Variants in ARAP1 observed in about 807,000 individuals in gnomAD.
ARAP1 encodes the protein arf-GAP with Rho-GAP domain, ANK repeat and PH domain-containing protein 1.
ARAP1 carries 76 observed loss-of-function variants against 172.2 expected under a neutral mutation model. That is an observed-to-expected ratio of 0.44 (90% CI 0.37 to 0.53). The LOEUF is 0.53. ARAP1 is among the 20% of genes least tolerant of loss of function. The probability of loss-of-function intolerance (pLI) is 0.00; values close to 1 mark genes in which losing one functional copy is unlikely to be tolerated. For synonymous variants in ARAP1, 804 were observed against 803.3 expected, an observed-to-expected ratio of 1.00 and a Z score of -0.01; for missense variants, 1,686 against 1,977.5, an observed-to-expected ratio of 0.85 and a Z score of 2.80.
rs117019613 is a variant in ARAP1, at chr11:72,698,406, G to A, written c.2542-300C>T. 4.3e-3 allele frequency among the ~76,000 whole-genome samples: 659 copies of A among 152,272 alleles called. 2 individuals carry two copies. Among genetic ancestry groups the A allele is most frequent in the Middle Eastern group, 6.8e-3 (2 of 294 alleles). On this transcript the variant is annotated intron_variant, in intron 18 of 34. Transcript: ENST00000393609. Reference sequence around the variant, plus strand: ...TGGCACTGGTTACACTGCTGCTGCCGCCTGAACTACACCCGCAGGGGAGCT... The same window carrying A: ...TGGCACTGGTTACACTGCTGCTGCCACCTGAACTACACCCGCAGGGGAGCT...
chr11:72,710,723 G>C lies in ARAP1; in HGVS notation c.1214-136C>G, dbSNP rs1482496069. 1 of 1,063,742 alleles carries C rather than the reference G, an allele frequency of 9.4e-7. No homozygotes were observed. Among genetic ancestry groups the C allele is most frequent in the East Asian group, 2.6e-5 (1 of 38,298 alleles). The allele number at this position is 1,063,742 out of a possible 1,614,324, so 65.9% of individuals were successfully genotyped here. The stretch of plus-strand genomic sequence containing the variant: ...CCCCATCATTTTGCTTGACTTCTCT[G>C]ACTTGAACGAGCTCAGGCTCCAATC... On this transcript the variant is annotated intron_variant, in intron 9 of 34. Transcript: ENST00000393609. This position sits in a 1 kb window ranked among gnomAD's most constrained non-coding sequence, Gnocchi z 4.3.
intron 4 of ARAP1, among the ~76,000 whole-genome samples, chr11:72,713,641 A>T (rs1251080716): frequency 6.6e-6 from 1 of 152,108 alleles, no homozygotes; most frequent in African/African-American, 2.4e-5. Context: ...AACTCAGGAG[A>T]TCGAGACCAT....
Position 72,711,512 on chromosome 11 carries a change from A to G in ARAP1, c.1023-13T>C. 6.2e-7 allele frequency: 1 copy of G among 1,605,012 alleles called. No homozygotes were observed. Among genetic ancestry groups the G allele is most frequent in the Non-Finnish European group, 8.5e-7 (1 of 1,172,490 alleles). On this transcript the variant is annotated splice_polypyrimidine_tract_variant and intron_variant, in intron 7 of 34. Transcript: ENST00000393609. The stretch of plus-strand genomic sequence containing the variant: ...ATAGATGTAAGATCTGGAGAGGGAG[A>G]GGGACAACAAGCAAATGACCGGGGG...
chr11:72,691,068 C>G (rs1855913688), intron 30 of ARAP1, among the ~76,000 whole-genome samples: 1 of 152,234 alleles, frequency 6.6e-6, no homozygotes. Context: ...CCCCTCCCTG[C>G]TGAGTCCTCA....
In ARAP1 at chr11:72,712,409, A is replaced by T. The variant is rs780747591; in HGVS notation, c.878+29T>A. ...GAGGGGGCGGGCTGAGGTTGGGCTC[A>T]GTGGGAAGGAGGGTGGCCGGACACT... On this transcript the variant is annotated intron_variant, in intron 6 of 34. Coordinates refer to ENST00000393609, the MANE Select transcript of ARAP1 (RefSeq NM_001040118.3). 1.9e-5 allele frequency: 30 copies of T among 1,550,622 alleles called. No homozygotes were observed. In the African/African-American group the frequency reaches 4.1e-4, roughly 21 times the overall value.
At chr11:72,719,173 G>C (rs935929692) in intron 3 of ARAP1, among the ~76,000 whole-genome samples, 1 of 152,174 alleles carries the variant, frequency 6.6e-6, no homozygotes, top group African/African-American at 2.4e-5. Flanking sequence ...GGGCTTCTCT[G>C]AGGCCAGTCT....
chr11:72,731,397 T>C (rs1354130617), intron 2 of ARAP1, among the ~76,000 whole-genome samples: 1 of 152,136 alleles, frequency 6.6e-6, no homozygotes, highest in East Asian at 1.9e-4. Context: ...ATCACTCTAT[T>C]TGTTCATGTA....
rs914738919 is a variant in ARAP1 at position 72,704,160 on chromosome 11, G to A, written c.1984C>T (p.Leu662=). Residue 662 remains leucine, a synonymous_variant, in exon 14 of 35, where the codon CTG becomes TTG. Transcript: ENST00000393609. The part of the protein sequence containing the change: ...YHPLFGNQEE[L]DKALCAAVTT... ...AGCTGCAGTGCCCTGACCTTGTCCA[G>A]CTCCTCCTGGTTGCCAAAGAGCGGG... 3.7e-6 allele frequency: 6 copies of A among 1,614,022 alleles called. No individual in the cohort carries two copies. In the African/African-American group the frequency reaches 6.7e-5, roughly 18 times the overall value.
rs36034875 is a variant in ARAP1 at position 72,714,196 on chromosome 11, G to T, written c.635C>A (p.Pro212His). The change falls in exon 4 of 35, where the codon CCC becomes CAC. Residue 212 changes from proline (P) to histidine (H), a missense_variant. Pro to His is a moderately conservative substitution (Grantham distance 77). Coordinates refer to ENST00000393609, the MANE Select transcript of ARAP1 (RefSeq NM_001040118.3). ...PPQPPSPPPCPPEIPPKPVRL... is the reference protein window; with the variant it reads ...PPQPPSPPPCHPEIPPKPVRL... ...TACCGGCTTTGGAGGTATCTCCGGG[G>T]GGCAGGGAGGTGGAGAGGGAGGCTG... is the stretch of plus-strand genomic sequence containing the variant. 2 of 1,522,634 alleles carry T rather than the reference G, an allele frequency of 1.3e-6. No individual in the cohort carries two copies. Among genetic ancestry groups the T allele is most frequent in the African/African-American group, 1.4e-5 (1 of 70,442 alleles). 94.3% of individuals were successfully genotyped at this position (1,522,634 alleles called of 1,614,324 possible).
Position 72,695,732 on chromosome 11 carries a change from C to G in ARAP1, c.3406G>C (p.Val1136Leu), listed in dbSNP as rs777625487. 6.2e-7 allele frequency: 1 copy of G among 1,614,198 alleles called. No individual in the cohort carries two copies. Among genetic ancestry groups the G allele is most frequent in the Admixed American group, 1.7e-5 (1 of 60,028 alleles). Residue 1136 changes from valine (V) to leucine (L), a missense_variant, in exon 24 of 35, where the codon GTG becomes CTG. Physicochemically the swap from Val to Leu is conservative, Grantham distance 32 (BLOSUM62 1). Transcript: ENST00000393609. This position sits in a 1 kb window ranked among gnomAD's most constrained non-coding sequence, Gnocchi z 4.4. ...CAGGGACGCACACTAAACACCACCA[C>G]ATAGTGGTTAATGAGGTCTTCCACC... ...RVVEDLINHY[V>L]VVFSVDEEEL... is the part of the protein sequence containing the mutation.
Position 72,747,574 on chromosome 11 carries a change from C to T in ARAP1, c.-128+4754G>A, listed in dbSNP as rs138130757. On this transcript the variant is annotated intron_variant, in intron 1 of 34. Transcript: ENST00000393609. ...CTCAAGCAGAGAGGTAGAATGCAGG[C>T]CTCAGAGCGCCCTGCCGGGGTTCCA... Among the ~76,000 whole-genome samples the T allele has an allele frequency of 4.3e-3, 653 of 152,306 alleles. 9 individuals are homozygous for T. The highest frequency in any genetic ancestry group is 0.028 in the Admixed American group (433 of 15,300).
chr11:72,703,177 C>T, intron 14 of ARAP1, 98 bp from the exon 15 acceptor site: 5 of 1,236,008 alleles, frequency 4.0e-6, no homozygotes, highest in Non-Finnish European at 5.5e-6. Flanking sequence ...AAGGAGTCAC[C>T]CAGGCCTGGA....
intron 1 of ARAP1, among the ~76,000 whole-genome samples, chr11:72,743,153 G>A (rs1858251797): frequency 6.6e-6 from 1 of 152,222 alleles, no homozygotes; most frequent in Non-Finnish European, 1.5e-5. Flanking sequence ...GTTAAAGTCA[G>A]ACTCTTTAAC....
intron 1 of ARAP1, among the ~76,000 whole-genome samples, chr11:72,749,989 T>C (rs1462004488): frequency 6.6e-6 from 1 of 152,150 alleles, no homozygotes; most frequent in Admixed American, 6.5e-5. Flanking sequence ...CCCTCATCTC[T>C]AGCTCTTGGC....
chr11:72,739,036 T>G (rs146603893), intron 1 of ARAP1, among the ~76,000 whole-genome samples: 10 of 152,266 alleles, frequency 6.6e-5, no homozygotes, highest in Non-Finnish European at 1.3e-4. Flanking sequence ...TAGAGGCACT[T>G]CCGCAGATAT....
intron 1 of ARAP1, among the ~76,000 whole-genome samples, chr11:72,743,721 CG>C: frequency 6.6e-6 from 1 of 152,256 alleles, no homozygotes; most frequent in Non-Finnish European, 1.5e-5. Flanking sequence ...CCTGCTGGAC[CG>C]GCCCCTTAAA....
intron 3 of ARAP1, 134 bp from the exon 4 acceptor site, chr11:72,714,455 C>G: frequency 1.2e-6 from 1 of 866,250 alleles, no homozygotes; most frequent in South Asian, 1.7e-5. Context: ...CCCTCCTGCA[C>G]ACAGTCCTCC....
intron 3 of ARAP1, among the ~76,000 whole-genome samples, chr11:72,722,538 GAGAC>G (rs1235180965): frequency 6.6e-6 from 1 of 152,206 alleles, no homozygotes; most frequent in Non-Finnish European, 1.5e-5. Flanking sequence ...CCCGCATAAG[GAGAC>G]AGAGAGGCTA....
chr11:72,686,944 C>T (rs1855716191), intron 33 of ARAP1, among the ~76,000 whole-genome samples: 1 of 152,224 alleles, frequency 6.6e-6, no homozygotes, highest in South Asian at 2.1e-4. Flanking sequence ...GCTTCTCACT[C>T]CCTTTCCTGT....
Sources: gnomAD v4.1 joint callset for allele counts (sites outside exome capture counted in the v4.1 genomes callset) on GRCh38, gnomAD v4.1.1 for gene constraint, Gnocchi (gnomAD v3.1) non-coding constraint, MANE v1.5 for transcripts, NCBI Gene and HGNC (gene_info 2026-07-23, HGNC 2026-07-21) for gene names.